The following HERC3 variants were observed in gnomAD, a reference collection of about 807,000 sequenced individuals.
HERC3 encodes the protein probable E3 ubiquitin-protein ligase HERC3.
A neutral mutation model predicts 129.9 loss-of-function variants in HERC3; 58 were observed. The ratio of observed to expected loss-of-function variants is 0.45; its 90% CI spans 0.36 to 0.56. The LOEUF (loss-of-function observed/expected upper bound fraction) is 0.56, where lower values mean the gene tolerates loss of function less well. HERC3 is among the 20% of genes least tolerant of loss of function. The pLI is 0.00. For synonymous variants in HERC3, 430 were observed against 451.0 expected (o/e 0.95, Z 0.59); for missense variants, 835 against 1,244.2 (o/e 0.67, Z 4.95).
intron 25 of HERC3, among the ~76,000 whole-genome samples, chr4:88,704,865 T>TTC (rs201872865): frequency 1.4e-5 from 2 of 143,856 alleles, no homozygotes; most frequent in South Asian, 4.6e-4. Context: ...CTTTCTTTCT[T>TTC]TTTTTTTTTT....
At chr4:88,661,570 A>C (rs143605992) in intron 10 of HERC3, among the ~76,000 whole-genome samples, 1 of 152,344 alleles carries the variant, frequency 6.6e-6, no homozygotes, top group African/African-American at 2.4e-5. Flanking sequence ...AGCACCATCA[A>C]CCTTTCCTTA....
At position 88,606,818 on chromosome 4, in the gene HERC3, T is replaced by G. The variant is rs1578154115; in HGVS notation, c.226+769T>G. Reference sequence around the variant, plus strand: ...GATCCCTCCCATAACATGTGGGAATTCAAGATGAGATTTGGGTGGGGACAC... The same window carrying G: ...GATCCCTCCCATAACATGTGGGAATGCAAGATGAGATTTGGGTGGGGACAC... On this transcript the variant is annotated intron_variant, in intron 3 of 25. Coordinates refer to ENST00000402738, the MANE Select transcript of HERC3 (RefSeq NM_014606.3). Among the ~76,000 whole-genome samples, 12 of 152,302 alleles carry G rather than the reference T, an allele frequency of 7.9e-5. No homozygotes were observed. The South Asian group carries it at 2.5e-3, about 32-fold the overall frequency.
chr4:88,623,645 G>A (rs1725782730), intron 3 of HERC3, among the ~76,000 whole-genome samples: 2 of 152,146 alleles, frequency 1.3e-5, no homozygotes, highest in Non-Finnish European at 2.9e-5. Context: ...TTGACCATCA[G>A]TACGTATGTC....
At chr4:88,677,439 T>G (rs1409939149) in intron 18 of HERC3, among the ~76,000 whole-genome samples, 2 of 152,180 alleles carry the variant, frequency 1.3e-5, no homozygotes, top group African/African-American at 2.4e-5. Flanking sequence ...TTCATTTATC[T>G]TTCCCTCTCC....
At chr4:88,580,957 C>A in the HERC3 span, among the ~76,000 whole-genome samples, 1 of 152,104 alleles carries the variant, frequency 6.6e-6, no homozygotes, top group Non-Finnish European at 1.5e-5. Flanking sequence ...GTATATGCAT[C>A]ATTTTCTGAA....
rs373882571 is a variant in HERC3 at position 88,655,487 on chromosome 4, A to C, written c.908+183A>C. Among the ~76,000 whole-genome samples, 4 of 152,346 alleles carry C rather than the reference A, an allele frequency of 2.6e-5. No homozygotes were observed. In the East Asian group the frequency reaches 7.7e-4, roughly 29 times the overall value. On this transcript the variant is annotated intron_variant, in intron 8 of 25. Transcript: ENST00000402738. ...AGTGTGGCAAGGAAGGGTTTTAGATAAGCAGAGCAACACGGAGACATTAGG... is the reference window on the plus strand; with the variant it reads ...AGTGTGGCAAGGAAGGGTTTTAGATCAGCAGAGCAACACGGAGACATTAGG...
chr4:88,554,086 A>G, the HERC3 span, among the ~76,000 whole-genome samples: 1 of 152,128 alleles, frequency 6.6e-6, no homozygotes, highest in African/African-American at 2.4e-5. Flanking sequence ...GGTGGCTCAC[A>G]CCTGTAATCC....
In HERC3 at chr4:88,704,172, G is replaced by A. The variant is rs760012122; in HGVS notation, c.2732G>A (p.Ser911Asn). Residue 911 changes from serine (S) to asparagine (N), a missense_variant, in exon 24 of 26, where the codon AGT (serine) becomes AAT (asparagine). Ser to Asn is a conservative substitution (Grantham distance 46). Transcript: ENST00000402738. ...CATGAATGGTACACAGCCTTCTCTA[G>A]TGGCTTCCTAAAGGTGTGTGGTGGC... ...SVHEWYTAFS[S>N]GFLKVCGGKV... 1.2e-5 allele frequency: 20 copies of A among 1,613,996 alleles called. No homozygotes were observed. Among genetic ancestry groups the A allele is most frequent in the East Asian group, 2.2e-5 (1 of 44,892 alleles).
chr4:88,551,727 A>C, the HERC3 span, among the ~76,000 whole-genome samples: 11 of 152,166 alleles, frequency 7.2e-5, no homozygotes, highest in East Asian at 3.8e-4. Flanking sequence ...TCAGTGTGGC[A>C]ATTCCTCAGG....
the HERC3 span, among the ~76,000 whole-genome samples, chr4:88,548,289 G>A: frequency 5.3e-5 from 8 of 152,076 alleles, no homozygotes; most frequent in Admixed American, 2.0e-4. Flanking sequence ...TTTCCAAAGC[G>A]GCTGCACCAT....
chr4:88,588,302 T>C (rs1033481416), upstream of HERC3, among the ~76,000 whole-genome samples: 4 of 152,254 alleles, frequency 2.6e-5, no homozygotes, highest in Non-Finnish European at 4.4e-5. Flanking sequence ...TTGATGGTAA[T>C]ACTGATTTAC....
chr4:88,655,002 C>G (rs1378490873), intron 7 of HERC3, among the ~76,000 whole-genome samples, 172 bp from the exon 8 acceptor site: 1 of 152,146 alleles, frequency 6.6e-6, no homozygotes. Flanking sequence ...GTCTGAAATT[C>G]CCTTTTTATT....
Position 88,664,178 on chromosome 4 carries a change from G to A in HERC3, c.1297G>A (p.Ala433Thr). 1 of 1,612,988 alleles carries A rather than the reference G, an allele frequency of 6.2e-7. No individual in the cohort carries two copies. The highest frequency in any genetic ancestry group is 8.5e-7 in the Non-Finnish European group (1 of 1,179,400). ...INGVVQILSS[A>T]ACWNGSFLEK... ...TGGTGTTGTTCAGATATTATCTTCT[G>A]CAGCCTGTTGGAATGGAAGTTTTCT... The change falls in exon 12 of 26, where the codon GCA becomes ACA. Residue 433 changes from alanine (A) to threonine (T), a missense_variant. Physicochemically the swap from Ala to Thr is moderately conservative, Grantham distance 58 (BLOSUM62 0). Transcript: ENST00000402738.
intron 23 of HERC3, among the ~76,000 whole-genome samples, chr4:88,703,220 A>G (rs1735481865): frequency 6.6e-6 from 1 of 152,142 alleles, no homozygotes; most frequent in South Asian, 2.1e-4. Context: ...CCAGACTAGC[A>G]GCCTCCAATC....
At chr4:88,636,538 A>G (rs1727422618) in intron 3 of HERC3, among the ~76,000 whole-genome samples, 1 of 152,202 alleles carries the variant, frequency 6.6e-6, no homozygotes, top group African/African-American at 2.4e-5. Flanking sequence ...CTCCCACACA[A>G]TAATAGTGGG....
intron 21 of HERC3, among the ~76,000 whole-genome samples, chr4:88,683,630 C>T (rs1051844692): frequency 1.3e-5 from 2 of 152,218 alleles, no homozygotes; most frequent in Non-Finnish European, 1.5e-5. Context: ...AATTGCAAGA[C>T]TGGAGCTCAC....
Position 88,605,929 on chromosome 4 carries a change from G to A in HERC3, c.106G>A (p.Val36Ile). ...QVCGFISDRSVKEVACGGNHS... is the reference protein window; with the variant it reads ...QVCGFISDRSIKEVACGGNHS... The stretch of plus-strand genomic sequence containing the variant: ...GTGTGGGTTCATATCTGACAGAAGT[G>A]TCAAGGAAGTGGCCTGTGGGGGAAA... Residue 36 changes from valine to isoleucine, a missense_variant, in exon 3 of 26, where the codon GTC becomes ATC. Transcript: ENST00000402738. 3 of 1,614,200 alleles carry A rather than the reference G, an allele frequency of 1.9e-6. 1 individual carries two copies. In the Middle Eastern group the frequency reaches 4.9e-4, roughly 266 times the overall value.
chr4:88,554,579 T>C, the HERC3 span, among the ~76,000 whole-genome samples: 28 of 152,302 alleles, frequency 1.8e-4, no homozygotes, highest in East Asian at 2.7e-3. Flanking sequence ...CAGCTGAATT[T>C]GATTAAAGCT....
At chr4:88,552,508 C>A in the HERC3 span, among the ~76,000 whole-genome samples, 1 of 152,278 alleles carries the variant, frequency 6.6e-6, no homozygotes, top group East Asian at 1.9e-4. Flanking sequence ...CTATCTTGGC[C>A]TCCCAAAGTG....
Sources: allele counts gnomAD v4.1 joint callset (sites outside exome capture counted in the v4.1 genomes callset), GRCh38; gene constraint gnomAD v4.1.1; transcripts MANE v1.5; gene names NCBI Gene and HGNC (gene_info 2026-07-23, HGNC 2026-07-21).